Variants in SHISA9 observed in about 807,000 individuals in gnomAD.
SHISA9 encodes the protein shisa family member 9, also known as protein shisa-9.
SHISA9 carries 13 observed loss-of-function variants against 38.0 expected under a neutral mutation model. That is an observed-to-expected ratio of 0.34 (90% CI 0.22 to 0.54). SHISA9 has a LOEUF of 0.54. Among genes scored for constraint, SHISA9 ranks in the 20% least tolerant of loss-of-function variants. The pLI is 0.91. For synonymous variants in SHISA9, 275 were observed against 242.0 expected (o/e 1.14, Z -1.27); for missense variants, 538 against 575.8 (o/e 0.93, Z 0.67).
intron 4 of SHISA9, among the ~76,000 whole-genome samples, chr16:13,218,096 A>G (rs1249141544): frequency 1.3e-5 from 2 of 152,156 alleles, no homozygotes; most frequent in African/African-American, 4.8e-5. Context: ...AAGACATTTC[A>G]CCTAGCTTTT....
chr16:13,178,757 G>T (rs1357249298), intron 2 of SHISA9, among the ~76,000 whole-genome samples: 6 of 152,190 alleles, frequency 3.9e-5, no homozygotes, highest in Admixed American at 3.9e-4. Flanking sequence ...TTCCCAGAGA[G>T]CAGAAGATGA....
chr16:13,185,695 T>C (rs1026822261), intron 2 of SHISA9, among the ~76,000 whole-genome samples: 3 of 152,012 alleles, frequency 2.0e-5, no homozygotes, highest in African/African-American at 7.2e-5. Context: ...AAGGCAGGAG[T>C]GAGTCTTGTC....
the SHISA9 span, among the ~76,000 whole-genome samples, chr16:13,493,901 A>C: frequency 1.3e-5 from 2 of 152,068 alleles, no homozygotes; most frequent in Non-Finnish European, 2.9e-5. Flanking sequence ...GAATCAGAAG[A>C]GCTCATAGAT....
intron 2 of SHISA9, among the ~76,000 whole-genome samples, chr16:12,967,401 G>C (rs1477197448): frequency 6.6e-6 from 1 of 152,012 alleles, no homozygotes; most frequent in African/African-American, 2.4e-5. Flanking sequence ...ACATACCAGG[G>C]ACTGTTGTGG....
the SHISA9 span, among the ~76,000 whole-genome samples, chr16:13,504,993 C>G: frequency 2.0e-5 from 3 of 152,154 alleles, no homozygotes; most frequent in African/African-American, 7.2e-5. Flanking sequence ...TCTTTCAGCT[C>G]CCTCTTATCT....
chr16:13,059,338 A>G (rs1460505605), intron 2 of SHISA9, among the ~76,000 whole-genome samples: 2 of 152,074 alleles, frequency 1.3e-5, no homozygotes, highest in Non-Finnish European at 2.9e-5. Flanking sequence ...TGTGTTAGCC[A>G]GGATGGTCTC....
chr16:13,413,198 C>T, the SHISA9 span, among the ~76,000 whole-genome samples: 36 of 152,238 alleles, frequency 2.4e-4, no homozygotes, highest in African/African-American at 7.2e-4. Flanking sequence ...TTAGGGTCTT[C>T]GAATTTTCAC....
the SHISA9 span, among the ~76,000 whole-genome samples, chr16:13,287,557 A>G: frequency 6.6e-6 from 1 of 152,220 alleles, no homozygotes; most frequent in Non-Finnish European, 1.5e-5. Flanking sequence ...AAGAATTGTA[A>G]GTCGATCCAC....
chr16:13,402,054 A>T, the SHISA9 span, among the ~76,000 whole-genome samples: 1 of 152,204 alleles, frequency 6.6e-6, no homozygotes, highest in Non-Finnish European at 1.5e-5. Flanking sequence ...AGGAGCTACA[A>T]TTCAAGATGA....
chr16:13,546,128 G>A, the SHISA9 span, among the ~76,000 whole-genome samples: 1 of 152,104 alleles, frequency 6.6e-6, no homozygotes. Context: ...TGTCCTATAA[G>A]AAAGGAAATC....
intron 2 of SHISA9, among the ~76,000 whole-genome samples, chr16:12,956,719 CA>C (rs1443840037): frequency 6.6e-6 from 1 of 151,976 alleles, no homozygotes; most frequent in Non-Finnish European, 1.5e-5. Context: ...CTGGGGACTC[CA>C]AAAGAGGGGA....
At chr16:13,539,709 A>G in the SHISA9 span, among the ~76,000 whole-genome samples, 9 of 152,140 alleles carry the variant, frequency 5.9e-5, no homozygotes, top group Non-Finnish European at 1.0e-4. Context: ...GGTAATAAGC[A>G]TGGAACCCAA....
At chr16:13,472,541 G>A in the SHISA9 span, among the ~76,000 whole-genome samples, 55 of 151,322 alleles carry the variant, frequency 3.6e-4, no homozygotes, top group Admixed American at 2.4e-3. Context: ...ACAGGCACCC[G>A]CCACCAAGCC....
the SHISA9 span, among the ~76,000 whole-genome samples, chr16:13,483,598 T>C: frequency 6.6e-6 from 1 of 151,716 alleles, no homozygotes; most frequent in Admixed American, 6.6e-5. Flanking sequence ...AAACAGAAGC[T>C]CGCTGACTTT....
intron 2 of SHISA9, among the ~76,000 whole-genome samples, chr16:13,107,514 C>CAG (rs1211712962): frequency 3.7e-5 from 5 of 136,868 alleles, no homozygotes; most frequent in African/African-American, 1.4e-4. Context: ...CACACACACA[C>CAG]AGAGTTAACT....
At chr16:13,105,227 C>T (rs73520666) in intron 2 of SHISA9, among the ~76,000 whole-genome samples, 3,375 of 152,180 alleles carry the variant, frequency 0.022, 134 homozygotes, top group African/African-American at 0.077. Flanking sequence ...TAGGAGTATA[C>T]GGCTAGCAAA....
At chr16:12,932,011 C>T (rs939273107) in intron 2 of SHISA9, among the ~76,000 whole-genome samples, 1 of 152,134 alleles carries the variant, frequency 6.6e-6, no homozygotes, top group African/African-American at 2.4e-5. Flanking sequence ...GTGAATAAGT[C>T]TCATGAGACC....
At chr16:13,490,928 C>G in the SHISA9 span, among the ~76,000 whole-genome samples, 6 of 152,036 alleles carry the variant, frequency 3.9e-5, no homozygotes, top group South Asian at 2.1e-4. Flanking sequence ...TTATAAAGGC[C>G]CTTTTAAGTT....
chr16:13,312,969 A>C, the SHISA9 span, among the ~76,000 whole-genome samples: 5 of 152,116 alleles, frequency 3.3e-5, 1 homozygote, highest in Admixed American at 1.3e-4. Flanking sequence ...AATAAAAAAA[A>C]CCCAGGCCGG....
Sources: allele counts gnomAD v4.1 joint callset (sites outside exome capture counted in the v4.1 genomes callset), GRCh38; gene constraint gnomAD v4.1.1; transcripts MANE v1.5; gene names NCBI Gene and HGNC (gene_info 2026-07-23, HGNC 2026-07-21).